The following STMN2 variants were observed in gnomAD, a reference collection of about 807,000 sequenced individuals.
STMN2 encodes stathmin 2.
STMN2 carries 2 observed loss-of-function variants against 24.1 expected under a neutral mutation model. The ratio of observed to expected loss-of-function variants is 0.08; its 90% confidence interval spans 0.03 to 0.26. STMN2 has a LOEUF of 0.26. Among genes scored for constraint, STMN2 ranks in the 10% least tolerant of loss-of-function variants. STMN2 has a pLI of 1.00. For missense variants in STMN2, 114 were observed against 213.6 expected (o/e 0.53, Z 2.91); for synonymous variants, 83 against 77.5 (o/e 1.07, Z -0.37).
At chr8:79,622,640 T>A (rs909283130) in intron 1 of STMN2, among the ~76,000 whole-genome samples, 20 of 152,238 alleles carry the variant, frequency 1.3e-4, no homozygotes, top group Admixed American at 1.2e-3. Flanking sequence ...TTCTCTTGCA[T>A]ATATTTCTCA....
At chr8:79,636,438 C>T (rs1809957487) in intron 1 of STMN2, among the ~76,000 whole-genome samples, 1 of 152,176 alleles carries the variant, frequency 6.6e-6, no homozygotes, top group Admixed American at 6.5e-5. Flanking sequence ...TGCACATTTA[C>T]TAGAATGAGC....
chr8:79,635,858 C>A (rs764331508), intron 1 of STMN2, among the ~76,000 whole-genome samples: 11 of 151,878 alleles, frequency 7.2e-5, no homozygotes, highest in Non-Finnish European at 1.5e-4. Flanking sequence ...TTAATATTCC[C>A]ATGTAAAAAG....
At chr8:79,627,153 C>T (rs1311483806) in intron 1 of STMN2, among the ~76,000 whole-genome samples, 1 of 152,078 alleles carries the variant, frequency 6.6e-6, no homozygotes, top group African/African-American at 2.4e-5. Flanking sequence ...AACCATGAAT[C>T]CCCCTTTTTT....
intron 4 of STMN2, among the ~76,000 whole-genome samples, chr8:79,663,112 C>T (rs948383689): frequency 2.0e-5 from 3 of 152,078 alleles, no homozygotes; most frequent in African/African-American, 4.8e-5. Context: ...TAATCTCTTT[C>T]TCTAGAGTCA....
In STMN2 at chr8:79,655,049, G is replaced by A. The variant is rs1334561174; in HGVS notation, c.467G>A (p.Arg156His). Residue 156 changes from arginine (R) to histidine (H), a missense_variant, in exon 4 of 5, where the codon CGT becomes CAT. Arg to His is a conservative substitution (Grantham distance 29, BLOSUM62 0). Coordinates refer to ENST00000220876, the MANE Select transcript of STMN2 (RefSeq NM_007029.4). Reference sequence around the variant, plus strand: ...GCTAATCTAGCTGCTATTATTGAACGTCTGCAGGAAAAGGTAATCTCAGCA... The same window carrying A: ...GCTAATCTAGCTGCTATTATTGAACATCTGCAGGAAAAGGTAATCTCAGCA... ...REANLAAIIE[R>H]LQEKERHAAE... 4 of 1,613,874 alleles carry A rather than the reference G, an allele frequency of 2.5e-6. No homozygotes were observed. The highest frequency in any genetic ancestry group is 1.1e-5 in the South Asian group (1 of 91,080).
intron 4 of STMN2, among the ~76,000 whole-genome samples, chr8:79,661,320 C>T (rs542059117): frequency 1.3e-4 from 20 of 152,086 alleles, no homozygotes; most frequent in Admixed American, 1.2e-3. Context: ...TTTTTAATTA[C>T]GGCCATTCTT....
At chr8:79,663,688 A>G (rs1247126598) in intron 4 of STMN2, 2 of 1,457,262 alleles carry the variant, frequency 1.4e-6, no homozygotes, top group Non-Finnish European at 1.8e-6. Context: ...AGAAATATAA[A>G]TAATACTACT....
chr8:79,626,718 G>A (rs1283856599), intron 1 of STMN2, among the ~76,000 whole-genome samples: 3 of 152,104 alleles, frequency 2.0e-5, no homozygotes, highest in Non-Finnish European at 4.4e-5. Context: ...ATGCATTTAT[G>A]GAACACCTGC....
chr8:79,633,303 G>A (rs1809859230), intron 1 of STMN2, among the ~76,000 whole-genome samples: 1 of 152,184 alleles, frequency 6.6e-6, no homozygotes, highest in African/African-American at 2.4e-5. Flanking sequence ...ACTGGGTAGA[G>A]TCATGCTATG....
intron 1 of STMN2, among the ~76,000 whole-genome samples, chr8:79,616,956 C>T (rs1160083850): frequency 6.6e-6 from 1 of 152,050 alleles, no homozygotes; most frequent in Non-Finnish European, 1.5e-5. Context: ...CGGCTTGTGG[C>T]ACAGTTGACA....
At chr8:79,642,991 T>C (rs1444739596) in intron 3 of STMN2, among the ~76,000 whole-genome samples, 2 of 148,376 alleles carry the variant, frequency 1.3e-5, no homozygotes, top group Non-Finnish European at 3.0e-5. Context: ...ATTATAGATA[T>C]AAATATAACA....
chr8:79,611,131 C>T lies in STMN2; in HGVS notation c.-65C>T. ...GTGCCTTATTCAGTCTTCTCTCTCG[C>T]TCTCTCCGCTGCTGTAGCCGGACCC... On this transcript the variant is annotated 5_prime_UTR_variant, in exon 1 of 5. Coordinates refer to ENST00000220876, the MANE Select transcript of STMN2 (RefSeq NM_007029.4). The T allele has an allele frequency of 1.2e-6, 2 of 1,610,356 alleles. No individual in the cohort carries two copies. The highest frequency in any genetic ancestry group is 1.7e-4 in the Middle Eastern group (1 of 6,058).
intron 1 of STMN2, among the ~76,000 whole-genome samples, chr8:79,632,360 G>A (rs1184167999): frequency 1.3e-5 from 2 of 152,128 alleles, no homozygotes; most frequent in African/African-American, 2.4e-5. Flanking sequence ...TTATCCCCAG[G>A]CACATTTCAA....
intron 1 of STMN2, among the ~76,000 whole-genome samples, chr8:79,636,590 A>G (rs17452334): frequency 0.11 from 16,040 of 152,086 alleles, 1,180 homozygotes; most frequent in Non-Finnish European, 0.16. Flanking sequence ...AACCTGCTAT[A>G]CTATGCAATT....
intron 1 of STMN2, among the ~76,000 whole-genome samples, chr8:79,622,795 A>T (rs894875233): frequency 6.6e-6 from 1 of 150,424 alleles, no homozygotes; most frequent in African/African-American, 2.5e-5. Context: ...AAAATACAAA[A>T]ATCTACACTG....
chr8:79,624,295 G>A (rs924567930), intron 1 of STMN2, among the ~76,000 whole-genome samples: 5 of 151,338 alleles, frequency 3.3e-5, no homozygotes, highest in South Asian at 2.1e-4. Flanking sequence ...TCTACTAAAA[G>A]TACAAAAAAT....
At chr8:79,654,842 T>C (rs777442387) in intron 3 of STMN2, 29 bp from the exon 4 acceptor site, 3 of 1,602,854 alleles carry the variant, frequency 1.9e-6, no homozygotes, top group African/African-American at 2.7e-5. Flanking sequence ...TTTGGATAAT[T>C]ATAAGATGGC....
chr8:79,611,985 C>A (rs1809240483), intron 1 of STMN2, among the ~76,000 whole-genome samples: 1 of 151,860 alleles, frequency 6.6e-6, no homozygotes, highest in Non-Finnish European at 1.5e-5. Flanking sequence ...TCTTTGTGTG[C>A]GGACCAGCGG....
intron 1 of STMN2, among the ~76,000 whole-genome samples, chr8:79,618,949 T>C (rs180742390): frequency 2.6e-4 from 40 of 152,286 alleles, no homozygotes; most frequent in African/African-American, 9.4e-4. Context: ...TTTAATACTC[T>C]GGAAAGTTAT....
Sources: gnomAD v4.1 joint callset for allele counts (sites outside exome capture counted in the v4.1 genomes callset) on GRCh38, gnomAD v4.1.1 for gene constraint, MANE v1.5 for transcripts, NCBI Gene and HGNC (gene_info 2026-07-23, HGNC 2026-07-21) for gene names.